The following GUSB variants were observed in gnomAD, a reference collection of about 807,000 sequenced individuals.
The protein encoded by GUSB is beta-glucuronidase.
In GUSB, 51 loss-of-function variants were observed where a neutral mutation model predicts 74.6. That is an observed-to-expected ratio of 0.68 (90% confidence interval 0.55 to 0.86). The LOEUF (loss-of-function observed/expected upper bound fraction) is 0.86, where lower values mean the gene tolerates loss of function less well. GUSB is among the 40% of genes least tolerant of loss of function. GUSB has a pLI of 0.00. For synonymous variants in GUSB, 360 were observed against 348.3 expected, an observed-to-expected ratio of 1.03 and a Z score of -0.37; for missense variants, 736 against 853.7, an observed-to-expected ratio of 0.86 and a Z score of 1.72.
chr7:65,970,508 T>C (rs7383796), intron 8 of GUSB, 142 bp from the exon 9 acceptor site: 241,708 of 636,182 alleles, frequency 0.38, 50,605 homozygotes, highest in Non-Finnish European at 0.45. Flanking sequence ...TCCCAGCACT[T>C]TGGGAGGCCG....
chr7:65,975,108 C>G (rs765657233), intron 5 of GUSB, 37 bp from the exon 6 acceptor site: 1 of 1,606,032 alleles, frequency 6.2e-7, no homozygotes, highest in South Asian at 1.1e-5. Context: ...AGCACCCCGA[C>G]AGCCTGAGCC....
intron 6 of GUSB, 25 bp from the exon 7 acceptor site, chr7:65,974,729 C>T (rs960368614): frequency 6.2e-7 from 1 of 1,611,250 alleles, no homozygotes; most frequent in Non-Finnish European, 8.5e-7. Flanking sequence ...AGCCAAGTGA[C>T]CCCTGTCCCT....
intron 8 of GUSB, among the ~76,000 whole-genome samples, chr7:65,973,877 G>A (rs73148102): frequency 0.14 from 21,659 of 151,846 alleles, 2,061 homozygotes; most frequent in Non-Finnish European, 0.21. Context: ...GCTGCAGTAA[G>A]CCAAAACTGC....
At chr7:65,980,484 C>T in intron 1 of GUSB, 75 bp from the exon 2 acceptor site, 1 of 1,360,944 alleles carries the variant, frequency 7.3e-7, no homozygotes, top group South Asian at 1.2e-5. Flanking sequence ...ACGGCTGTGC[C>T]CCCAGGCCTA....
At chr7:65,968,007 TG>T in intron 9 of GUSB, 100 bp from the exon 10 acceptor site, 4 of 993,314 alleles carry the variant, frequency 4.0e-6, no homozygotes, top group Non-Finnish European at 6.2e-6. Context: ...GTAAGGGGGA[TG>T]TAATCCCAGC....
Position 65,981,909 on chromosome 7 carries a change from C to A in GUSB, c.210+65G>T, listed in dbSNP as rs1792053296. ...CCCAGGGGAAGAAGTCTGCGGGGGG[C>A]CCGGGCTCCCCTACTCCCACCGCCG... On this transcript the variant is annotated intron_variant, in intron 1 of 11. Transcript: ENST00000304895. 191 of 1,377,914 alleles carry A rather than the reference C, an allele frequency of 1.4e-4. 1 individual carries two copies. In the South Asian group the frequency reaches 2.4e-3, roughly 17 times the overall value. 85.4% of individuals were successfully genotyped at this position (1,377,914 alleles called of 1,614,324 possible). A position where few individuals can be genotyped will look rare whatever the true frequency, so the allele number is the denominator to read the frequency against.
At chr7:65,970,636 G>A (rs1480643318) in intron 8 of GUSB, among the ~76,000 whole-genome samples, 1 of 151,978 alleles carries the variant, frequency 6.6e-6, no homozygotes, top group Non-Finnish European at 1.5e-5. Flanking sequence ...GCTCACGCCT[G>A]TAATCCCAGC....
Position 65,967,767 on chromosome 7 carries a change from G to T in GUSB, c.1617C>A (p.Ser539Arg). 6.2e-7 allele frequency: 1 copy of T among 1,613,556 alleles called. No homozygotes were observed. Reference protein sequence around the residue: ...YKKYQKPIIQSEYGAETIAGF... With the variant: ...YKKYQKPIIQREYGAETIAGF... The stretch of plus-strand genomic sequence containing the variant: ...CTGCAATCGTTTCTGCTCCATACTC[G>T]CTCTGAATAATGGGCTTCTGATACT... The change falls in exon 10 of 12, where the codon AGC (serine) becomes AGA (arginine). Residue 539 changes from serine (S) to arginine (R), a missense_variant. Coordinates refer to ENST00000304895, the MANE Select transcript of GUSB (RefSeq NM_000181.4).
intron 2 of GUSB, 107 bp downstream of exon 2, chr7:65,980,117 C>T: frequency 6.7e-6 from 8 of 1,189,818 alleles, no homozygotes; most frequent in Admixed American, 5.9e-5. Context: ...GGCAGGACCC[C>T]CCACCATCCC....
intron 4 of GUSB, among the ~76,000 whole-genome samples, chr7:65,979,152 C>T (rs1231003912): frequency 6.6e-6 from 1 of 152,098 alleles, no homozygotes; most frequent in Non-Finnish European, 1.5e-5. Flanking sequence ...AGAGAAGGGA[C>T]AGGATTGCCA....
chr7:65,978,807 T>G (rs1791779223), intron 4 of GUSB, among the ~76,000 whole-genome samples: 1 of 151,680 alleles, frequency 6.6e-6, no homozygotes, highest in East Asian at 1.9e-4. Context: ...AGACAGGGTC[T>G]GCGTCTGTTG....
chr7:65,979,969 T>C, intron 2 of GUSB, 58 bp from the exon 3 acceptor site: 2 of 1,386,494 alleles, frequency 1.4e-6, no homozygotes, highest in South Asian at 1.2e-5. Flanking sequence ...GGAGGCGCCC[T>C]ACTATCGGGC....
intron 1 of GUSB, among the ~76,000 whole-genome samples, chr7:65,981,184 G>A (rs1791988574): frequency 6.6e-6 from 1 of 151,720 alleles, no homozygotes. Context: ...ACCACCCTGG[G>A]TAAATAGTGA....
At position 65,974,388 on chromosome 7, in the gene GUSB, A is replaced by G; in HGVS notation, c.1298T>C (p.Val433Ala). The change falls in exon 8 of 12, where the codon GTG becomes GCG. Residue 433 changes from valine (V) to alanine (A), a missense_variant. Physicochemically the swap from Val to Ala is moderately conservative, Grantham distance 64 (BLOSUM62 0). Transcript: ENST00000304895. ...GGGGTGGTTCTTGTCCCTACGCACC[A>G]CTTCTTCCATCACCTGCATGTGGTG... The part of the protein sequence containing the change: ...LHHHMQVMEE[V>A]VRRDKNHPAV... 1 of 1,614,158 alleles carries G rather than the reference A, an allele frequency of 6.2e-7. No individual in the cohort carries two copies. Among genetic ancestry groups the G allele is most frequent in the Non-Finnish European group, 8.5e-7 (1 of 1,180,008 alleles).
intron 5 of GUSB, 75 bp from the exon 6 acceptor site, chr7:65,975,146 G>T: frequency 1.5e-6 from 2 of 1,334,490 alleles, no homozygotes; most frequent in Non-Finnish European, 2.1e-6. Context: ...CAGCAGGAAG[G>T]CCCCTCGTGC....
rs779091113 is a variant in GUSB at position 65,974,548 on chromosome 7, G to A, written c.1222C>T (p.Pro408Ser). 2.5e-6 allele frequency: 4 copies of A among 1,614,076 alleles called. No individual in the cohort carries two copies. In the Admixed American group the frequency reaches 6.7e-5, roughly 27 times the overall value. Residue 408 changes from proline (P) to serine (S), a missense_variant, in exon 7 of 12, where the codon CCC becomes TCC. Transcript: ENST00000304895. ...CACGGCAGCGCCAGGCCCACGCCGGGACACTCATCGATGACCACAATCCCA... is the reference window on the plus strand; with the variant it reads ...CACGGCAGCGCCAGGCCCACGCCGGAACACTCATCGATGACCACAATCCCA... ...RYGIVVIDEC[P>S]GVGLALPQFF...
Position 65,982,210 on chromosome 7 carries a change from G to T in GUSB, c.-27C>A, listed in dbSNP as rs1036779413. 1.3e-6 allele frequency: 2 copies of T among 1,484,464 alleles called. No homozygotes were observed. The highest frequency in any genetic ancestry group is 1.8e-6 in the Non-Finnish European group (2 of 1,115,048). 92.0% of individuals were successfully genotyped at this position (1,484,464 alleles called of 1,614,324 possible). A position where few individuals can be genotyped will look rare whatever the true frequency, so the allele number is the denominator to read the frequency against. On this transcript the variant is annotated 5_prime_UTR_variant, in exon 1 of 12. Coordinates refer to ENST00000304895, the MANE Select transcript of GUSB (RefSeq NM_000181.4). Reference sequence around the variant, plus strand: ...CTTCCCGGTCCCCCGCTCGGCCACCGTCTGCGGCGCTAAGAAAAGCGCGGG... The same window carrying T: ...CTTCCCGGTCCCCCGCTCGGCCACCTTCTGCGGCGCTAAGAAAAGCGCGGG...
In GUSB at chr7:65,960,856, G is replaced by C. The variant is rs765012426; in HGVS notation, c.*41C>G. The C allele has an allele frequency of 1.2e-5, 19 of 1,571,628 alleles. No homozygotes were observed. Among genetic ancestry groups the C allele is most frequent in the Non-Finnish European group, 1.7e-5 (19 of 1,141,694 alleles). On this transcript the variant is annotated 3_prime_UTR_variant, in exon 12 of 12. Coordinates refer to ENST00000304895, the MANE Select transcript of GUSB (RefSeq NM_000181.4). ...GTTCTGCTGCTGTGGAAGTCGCCCT[G>C]ACTCGGGGAGGAAGGGACACGCAGG...
In GUSB at chr7:65,960,877, G is replaced by A. The variant is rs150311243; in HGVS notation, c.*20C>T. 24 of 1,608,912 alleles carry A rather than the reference G, an allele frequency of 1.5e-5. No individual in the cohort carries two copies. The highest frequency in any genetic ancestry group is 8.0e-5 in the African/African-American group (6 of 74,926). ...CCCTGACTCGGGGAGGAAGGGACAC[G>A]CAGGTGGTATCAGTCTTGCTCAAGT... On this transcript the variant is annotated 3_prime_UTR_variant, in exon 12 of 12. Coordinates refer to ENST00000304895, the MANE Select transcript of GUSB (RefSeq NM_000181.4).
Sources: allele counts gnomAD v4.1 joint callset (sites outside exome capture counted in the v4.1 genomes callset), GRCh38; gene constraint gnomAD v4.1.1; transcripts MANE v1.5; gene names NCBI Gene and HGNC (gene_info 2026-07-23, HGNC 2026-07-21).